The following MRNIP variants were observed in gnomAD, a reference collection of about 807,000 sequenced individuals.
MRNIP encodes MRN complex-interacting protein.
In MRNIP, 30 loss-of-function variants were observed where a neutral mutation model predicts 29.8. That is an observed-to-expected ratio of 1.01 (90% CI 0.75 to 1.36). The LOEUF (loss-of-function observed/expected upper bound fraction) is 1.36, where lower values mean the gene tolerates loss of function less well. Ranked by LOEUF, MRNIP falls within the 40% of genes most tolerant of loss-of-function variation. The pLI is 0.00. For synonymous variants in MRNIP, 201 were observed against 164.1 expected (o/e 1.23, Z -1.72); for missense variants, 459 against 423.5 (o/e 1.08, Z -0.74).
At chr5:179,855,857 C>G (rs73335948) in intron 1 of MRNIP, among the ~76,000 whole-genome samples, 1,649 of 151,302 alleles carry the variant, frequency 0.011, 36 homozygotes, top group African/African-American at 0.038. Context: ...CCTTAAAACA[C>G]CAATAAAACT....
At chr5:179,844,954 TTA>T (rs1224506583) in intron 3 of MRNIP, among the ~76,000 whole-genome samples, 4 of 152,204 alleles carry the variant, frequency 2.6e-5, no homozygotes, top group Admixed American at 1.3e-4. Flanking sequence ...TCTAAAAATG[TTA>T]TGTCTTTGAT....
At position 179,841,944 on chromosome 5, in the gene MRNIP, G is replaced by C. The variant is rs769950286; in HGVS notation, c.412C>G (p.Pro138Ala). ...SKQPSSKMEE[P>A]GPRFSQDLPR... ...AGGTCTTGACTGAAGCGGGGGCCTG[G>C]CTCCTCCATTTTGGATGAAGGCTGT... The change falls in exon 5 of 7, where the codon CCA (proline) becomes GCA (alanine). Residue 138 changes from proline to alanine, a missense_variant. Physicochemically the swap from Pro to Ala is conservative, Grantham distance 27. Coordinates refer to ENST00000292586, the MANE Select transcript of MRNIP (RefSeq NM_016175.4). The C allele has an allele frequency of 1.9e-6, 3 of 1,614,030 alleles. No homozygotes were observed. Among genetic ancestry groups the C allele is most frequent in the Non-Finnish European group, 2.5e-6 (3 of 1,180,038 alleles).
At chr5:179,841,227 T>A in intron 5 of MRNIP, 1 of 464,452 alleles carries the variant, frequency 2.2e-6, no homozygotes. Flanking sequence ...CTTGACCTCC[T>A]GGGCTCAGGT....
rs1358473917 is a variant in MRNIP at position 179,858,771 on chromosome 5, A to G, written c.26T>C (p.Val9Ala). Reference sequence around the variant, plus strand: ...GAGGCGGCAGCTGCAGCAGCGTAGCACCCGAGAACGCTGAAGCGACGCCAT... The same window carrying G: ...GAGGCGGCAGCTGCAGCAGCGTAGCGCCCGAGAACGCTGAAGCGACGCCAT... MASLQRSR[V>A]LRCCSCRLFQ... The change falls in exon 1 of 7, where the codon GTG becomes GCG. Residue 9 changes from valine to alanine, a missense_variant. Physicochemically the swap from Val to Ala is moderately conservative, Grantham distance 64. Transcript: ENST00000292586. The G allele has an allele frequency of 6.5e-7, 1 of 1,540,098 alleles. No homozygotes were observed. The highest frequency in any genetic ancestry group is 2.0e-5 in the Admixed American group (1 of 50,434).
intron 1 of MRNIP, among the ~76,000 whole-genome samples, chr5:179,855,468 T>C (rs897286117): frequency 1.3e-5 from 2 of 152,144 alleles, no homozygotes; most frequent in Admixed American, 6.6e-5. Context: ...ACCAACATAA[T>C]GAAATGAGAA....
chr5:179,858,176 A>G (rs1759679924), intron 1 of MRNIP, among the ~76,000 whole-genome samples: 1 of 145,922 alleles, frequency 6.9e-6, no homozygotes. Flanking sequence ...GTTAAGTGGC[A>G]TTCTCTATCT....
Position 179,844,133 on chromosome 5 carries a change from A to T in MRNIP, c.291+19T>A. On this transcript the variant is annotated intron_variant, in intron 4 of 6. Coordinates refer to ENST00000292586, the MANE Select transcript of MRNIP (RefSeq NM_016175.4). Reference sequence around the variant, plus strand: ...CCCTGACACAGAGCCAGCCTGGGGCAGGTGGGCCTGAGGCTTACCTGCTGC... The same window carrying T: ...CCCTGACACAGAGCCAGCCTGGGGCTGGTGGGCCTGAGGCTTACCTGCTGC... 2 of 1,610,550 alleles carry T rather than the reference A, an allele frequency of 1.2e-6. No individual in the cohort carries two copies. The highest frequency in any genetic ancestry group is 2.2e-5 in the East Asian group (1 of 44,866).
chr5:179,850,184 C>A (rs1004180918), intron 2 of MRNIP, among the ~76,000 whole-genome samples: 1 of 151,930 alleles, frequency 6.6e-6, no homozygotes, highest in Non-Finnish European at 1.5e-5. Context: ...TGCTATGGCA[C>A]AGGCAGATGG....
intron 1 of MRNIP, among the ~76,000 whole-genome samples, chr5:179,854,019 ATTTT>A (rs543395166): frequency 8.3e-6 from 1 of 121,212 alleles, no homozygotes. Context: ...GCCTGAAATA[ATTTT>A]TTTTTTTTTT....
chr5:179,842,074 TGA>T lies in MRNIP; in HGVS notation c.292-12_292-11del. 6.2e-7 allele frequency: 1 copy of T among 1,611,648 alleles called. No homozygotes were observed. Among genetic ancestry groups the T allele is most frequent in the Non-Finnish European group, 8.5e-7 (1 of 1,179,412 alleles). ...AGGGCTGCGATTTTTCCTGCCAGAT[TGA>T]GAAAAAAGTTGATTCTCAGTACTGG... On this transcript the variant is annotated splice_polypyrimidine_tract_variant and intron_variant, in intron 4 of 6. Transcript: ENST00000292586.
chr5:179,849,667 T>G (rs1156549364), intron 2 of MRNIP, among the ~76,000 whole-genome samples: 2 of 147,436 alleles, frequency 1.4e-5, no homozygotes, highest in African/African-American at 5.1e-5. Flanking sequence ...TTTGTGACCA[T>G]GGGTCCTGCT....
intron 2 of MRNIP, among the ~76,000 whole-genome samples, chr5:179,849,573 C>G (rs940140725): frequency 1.3e-4 from 20 of 149,618 alleles, no homozygotes; most frequent in Admixed American, 4.0e-4. Flanking sequence ...ACCATGGGTC[C>G]TGCTATGGCA....
intron 1 of MRNIP, among the ~76,000 whole-genome samples, chr5:179,857,841 T>C (rs565851074): frequency 2.8e-3 from 420 of 152,118 alleles, no homozygotes; most frequent in Non-Finnish European, 3.4e-3. Flanking sequence ...GGAGAAACCC[T>C]GTCTCTATTA....
At chr5:179,840,323 C>G (rs1052233892) in intron 6 of MRNIP, 3 of 154,128 alleles carry the variant, frequency 1.9e-5, no homozygotes, top group African/African-American at 7.2e-5. Context: ...GCAGGAGGAT[C>G]ACTTGAGCCT....
In MRNIP at chr5:179,841,330, AG is replaced by A. The variant is rs559732698; in HGVS notation, c.450-372del. On this transcript the variant is annotated intron_variant, in intron 5 of 6. Transcript: ENST00000292586. ...GTTTTAAAAAATCTGTTGTACAGAT[AG>A]GGTCTCCCTATGTTGCCCGGACTGG... 2.0e-4 allele frequency: 46 copies of A among 227,590 alleles called. 1 individual carries two copies. In the East Asian group the frequency reaches 5.8e-3, roughly 29 times the overall value. 14.1% of individuals were successfully genotyped at this position (227,590 alleles called of 1,614,324 possible).
At chr5:179,837,950 TGCCCTGCCTGG>T in intron 6 of MRNIP, 65 bp from the exon 7 acceptor site, 1 of 1,496,132 alleles carries the variant, frequency 6.7e-7, no homozygotes, top group Non-Finnish European at 9.0e-7. Context: ...GAGGACCGCC[TGCCCTGCCTGG>T]GCCTTGGCTG....
rs543395166 is a variant in MRNIP at position 179,854,019 on chromosome 5, A to ATTT, written c.67-585_67-583dup. Among the ~76,000 whole-genome samples, 152 of 121,228 alleles carry ATTT rather than the reference A, an allele frequency of 1.3e-3. 1 individual carries two copies. The highest frequency in any genetic ancestry group is 2.3e-3 in the Non-Finnish European group (134 of 58,158). The allele number at this position is 121,228 out of a possible 152,430, so 79.5% of individuals were successfully genotyped here. A position where few individuals can be genotyped will look rare whatever the true frequency, so the allele number is the denominator to read the frequency against. ...GAGCCACCATGCCTGGCCTGAAATA[A>ATTT]TTTTTTTTTTTTTTTTTTTGAGACA... is the stretch of plus-strand genomic sequence containing the variant. On this transcript the variant is annotated intron_variant, in intron 1 of 6. Coordinates refer to ENST00000292586, the MANE Select transcript of MRNIP (RefSeq NM_016175.4).
At chr5:179,838,930 G>C (rs1758742328) in intron 6 of MRNIP, 1 of 152,010 alleles carries the variant, frequency 6.6e-6, no homozygotes, top group South Asian at 2.1e-4. Flanking sequence ...TTGCACTCCA[G>C]CCTAGGTGAC....
intron 2 of MRNIP, chr5:179,851,267 G>A (rs1399320999): frequency 4.4e-6 from 2 of 456,052 alleles, no homozygotes. Context: ...CCTCTCTTCT[G>A]AGACCCAATC....
Sources: allele counts gnomAD v4.1 joint callset (sites outside exome capture counted in the v4.1 genomes callset), GRCh38; gene constraint gnomAD v4.1.1; transcripts MANE v1.5; gene names NCBI Gene and HGNC (gene_info 2026-07-23, HGNC 2026-07-21).